The following RPL27 variants were observed in gnomAD, a reference collection of about 807,000 sequenced individuals.
RPL27 encodes large ribosomal subunit protein eL27.
For missense variants in RPL27, 131 were observed against 174.3 expected, an observed-to-expected ratio of 0.75 and a Z score of 1.40; for synonymous variants, 77 against 61.0, an observed-to-expected ratio of 1.26 and a Z score of -1.22.
chr17:43,000,915 A>G (rs2050354526), intron 3 of RPL27, among the ~76,000 whole-genome samples: 1 of 151,850 alleles, frequency 6.6e-6, no homozygotes, highest in South Asian at 2.1e-4. Context: ...TTAGCTGGGC[A>G]TGGTAATCCT....
rs376971321 is a variant in RPL27 at position 42,998,793 on chromosome 17, G to T, written c.43G>T (p.Ala15Ser). 10 of 1,613,840 alleles carry T rather than the reference G, an allele frequency of 6.2e-6. No homozygotes were observed. The highest frequency in any genetic ancestry group is 8.5e-6 in the Non-Finnish European group (10 of 1,179,944). Residue 15 changes from alanine to serine, a missense_variant, in exon 2 of 5, where the codon GCT becomes TCT. Ala to Ser is a moderately conservative substitution (Grantham distance 99). Coordinates refer to ENST00000253788, the MANE Select transcript of RPL27 (RefSeq NM_000988.5). ...ACCTGGGAAGGTGGTGCTTGTCCTGGCTGGACGCTACTCCGGACGCAAAGC... is the reference window on the plus strand; with the variant it reads ...ACCTGGGAAGGTGGTGCTTGTCCTGTCTGGACGCTACTCCGGACGCAAAGC... ...MKPGKVVLVL[A>S]GRYSGRKAVI...
At chr17:42,998,894 G>A (rs2050328789) in intron 2 of RPL27, 63 bp downstream of exon 2, 2 of 1,397,954 alleles carry the variant, frequency 1.4e-6, no homozygotes, top group Non-Finnish European at 2.0e-6. Flanking sequence ...CGGCGGGGCG[G>A]GCAGGCTTGG....
intron 2 of RPL27, 41 bp downstream of exon 2, chr17:42,998,872 C>G: frequency 6.4e-7 from 1 of 1,553,130 alleles, no homozygotes; most frequent in Non-Finnish European, 8.9e-7. Flanking sequence ...CATGCCGGGA[C>G]CAGGCTGGCT....
At chr17:42,999,830 T>G in intron 2 of RPL27, 103 bp from the exon 3 acceptor site, 1 of 840,774 alleles carries the variant, frequency 1.2e-6, no homozygotes. Flanking sequence ...TGGTGGATCT[T>G]GGAGACCTGA....
At chr17:43,002,321 C>G (rs1355462438) in intron 3 of RPL27, among the ~76,000 whole-genome samples, 3 of 151,608 alleles carry the variant, frequency 2.0e-5, no homozygotes, top group Non-Finnish European at 2.9e-5. Context: ...CTGGCTAACA[C>G]TGTGAAACCC....
In RPL27 at chr17:43,000,002, C is replaced by G; in HGVS notation, c.151C>G (p.Arg51Gly). ...GGTGGCTGGAATTGACCGCTACCCC[C>G]GCAAAGTGACAGCTGCCATGGGCAA... Reference protein sequence around the residue: ...ALVAGIDRYPRKVTAAMGKKK... With the variant: ...ALVAGIDRYPGKVTAAMGKKK... Residue 51 changes from arginine to glycine, a missense_variant, in exon 3 of 5, where the codon CGC becomes GGC. Physicochemically the swap from Arg to Gly is moderately radical, Grantham distance 125 (BLOSUM62 -2). Transcript: ENST00000253788. 1.2e-6 allele frequency: 2 copies of G among 1,612,296 alleles called. No homozygotes were observed. The highest frequency in any genetic ancestry group is 1.7e-6 in the Non-Finnish European group (2 of 1,179,810).
In RPL27 at chr17:43,002,788, G is replaced by A. The variant is rs1172956293; in HGVS notation, c.362+5G>A. 1 of 1,608,518 alleles carries A rather than the reference G, an allele frequency of 6.2e-7. No homozygotes were observed. The highest frequency in any genetic ancestry group is 1.3e-5 in the African/African-American group (1 of 74,798). The stretch of plus-strand genomic sequence containing the variant: ...CAAGGTCAAGTTTGAAGAGAGGTAA[G>A]TAGGCTTTGGTAGTGAATGGTGGAG... On this transcript the variant is annotated splice_donor_5th_base_variant and intron_variant, in intron 4 of 4. Transcript: ENST00000253788.
rs11871636 is a variant in RPL27, at chr17:43,002,800, A to C, written c.362+17A>C. ...TGAAGAGAGGTAAGTAGGCTTTGGT[A>C]GTGAATGGTGGAGTATGGTTTCACT... On this transcript the variant is annotated intron_variant, in intron 4 of 4. Coordinates refer to ENST00000253788, the MANE Select transcript of RPL27 (RefSeq NM_000988.5). The C allele has an allele frequency of 0.79, 1,262,718 of 1,605,708 alleles. 497,744 individuals are homozygous for C. The highest frequency in any genetic ancestry group is 0.85 in the East Asian group (38,156 of 44,808).
At chr17:43,000,427 TG>T (rs2050347343) in intron 3 of RPL27, among the ~76,000 whole-genome samples, 1 of 151,972 alleles carries the variant, frequency 6.6e-6, no homozygotes, top group Non-Finnish European at 1.5e-5. Flanking sequence ...TTTACTCACC[TG>T]TTGGGCCCTT....
intron 1 of RPL27, 43 bp from the exon 2 acceptor site, chr17:42,998,706 C>T (rs751076629): frequency 6.7e-7 from 1 of 1,493,562 alleles, no homozygotes; most frequent in East Asian, 2.3e-5. Flanking sequence ...GCATCTTTGG[C>T]TTTACGGATT....
intron 1 of RPL27, 28 bp downstream of exon 1, chr17:42,998,499 C>G (rs1345298693): frequency 1.6e-5 from 6 of 384,366 alleles, no homozygotes; most frequent in African/African-American, 8.6e-5. Flanking sequence ...TTGAATCTTT[C>G]AATCCGCTGC....
chr17:43,002,464 A>G (rs1471325761), intron 3 of RPL27, among the ~76,000 whole-genome samples: 1 of 151,968 alleles, frequency 6.6e-6, no homozygotes, highest in East Asian at 1.9e-4. Context: ...CTGAGATCAC[A>G]CCACTGCAGT....
intron 2 of RPL27, 125 bp downstream of exon 2, chr17:42,998,956 C>T (rs2050329697): frequency 4.1e-6 from 3 of 723,856 alleles, no homozygotes; most frequent in Admixed American, 4.7e-5. Flanking sequence ...TCAGGGTGAA[C>T]GTGGGAGAGT....
chr17:43,000,740 G>T (rs530010184), intron 3 of RPL27, among the ~76,000 whole-genome samples: 2 of 147,138 alleles, frequency 1.4e-5, no homozygotes, highest in Admixed American at 1.4e-4. Flanking sequence ...CACCGTGCCC[G>T]GCCAGTACAA....
chr17:42,999,581 T>A (rs2050337494), intron 2 of RPL27: 2 of 200,856 alleles, frequency 1.0e-5, no homozygotes, highest in South Asian at 8.9e-5. Context: ...ATCTCTGGAG[T>A]TAGGCTGTGG....
At chr17:42,998,544 G>C in intron 1 of RPL27, 73 bp downstream of exon 1, 1 of 455,232 alleles carries the variant, frequency 2.2e-6, no homozygotes, top group Non-Finnish European at 3.9e-6. Context: ...TCCGGGCGGC[G>C]CCGGGTGCAT....
chr17:43,001,109 C>T (rs1048950047), intron 3 of RPL27, among the ~76,000 whole-genome samples: 1 of 151,906 alleles, frequency 6.6e-6, no homozygotes, highest in Admixed American at 6.6e-5. Flanking sequence ...TTTGGGAGGC[C>T]GAGGCGAGCG....
intron 2 of RPL27, chr17:42,999,721 C>A: frequency 1.9e-6 from 1 of 534,328 alleles, no homozygotes; most frequent in Non-Finnish European, 3.3e-6. Context: ...AATCTCTTAC[C>A]TCTAGTAAGC....
chr17:43,002,649 C>G, intron 3 of RPL27, 24 bp from the exon 4 acceptor site: 2 of 1,475,202 alleles, frequency 1.4e-6, no homozygotes, highest in Non-Finnish European at 1.9e-6. Context: ...TGGGCTAATC[C>G]TGCCTCTCCA....
Sources: gnomAD v4.1 joint callset for allele counts (sites outside exome capture counted in the v4.1 genomes callset) on GRCh38, gnomAD v4.1.1 for gene constraint, MANE v1.5 for transcripts, NCBI Gene and HGNC (gene_info 2026-07-23, HGNC 2026-07-21) for gene names.